EVI5: variants seen among roughly 807,000 people sequenced by gnomAD.
EVI5 encodes the protein ecotropic viral integration site 5, also known as ecotropic viral integration site 5 protein homolog.
EVI5 carries 73 observed loss-of-function variants against 112.0 expected under a neutral mutation model. That is an observed-to-expected ratio of 0.65 (90% confidence interval 0.54 to 0.79). The LOEUF is 0.79. Ranked by LOEUF, EVI5 falls within the 30% of genes least tolerant of loss-of-function variation. EVI5 has a pLI of 0.00. For synonymous variants in EVI5, 305 were observed against 319.9 expected (o/e 0.95, Z 0.50); for missense variants, 900 against 968.8 (o/e 0.93, Z 0.94).
At chr1:92,583,451 C>T (rs911561728) in intron 18 of EVI5, among the ~76,000 whole-genome samples, 3 of 128,046 alleles carry the variant, frequency 2.3e-5, no homozygotes, top group African/African-American at 9.0e-5. Flanking sequence ...GCGGAGGTTG[C>T]GGTAAGCCGA....
At chr1:92,600,998 G>A (rs556178694) in intron 18 of EVI5, among the ~76,000 whole-genome samples, 42 of 152,270 alleles carry the variant, frequency 2.8e-4, no homozygotes, top group African/African-American at 9.6e-4. Flanking sequence ...AAAAAAGAGA[G>A]TCAAAAGTAA....
At chr1:92,527,652 G>A (rs940896564) in intron 19 of EVI5, among the ~76,000 whole-genome samples, 1 of 152,006 alleles carries the variant, frequency 6.6e-6, no homozygotes, top group African/African-American at 2.4e-5. Flanking sequence ...CCCTACACTC[G>A]TCCAAAGGTA....
intron 1 of EVI5, among the ~76,000 whole-genome samples, chr1:92,768,093 AG>A (rs1438063761): frequency 2.0e-5 from 3 of 150,760 alleles, no homozygotes; most frequent in Non-Finnish European, 4.4e-5. Flanking sequence ...AAAAAAAAAA[AG>A]AGAACTCATA....
chr1:92,697,514 T>C (rs1670495152), intron 6 of EVI5, among the ~76,000 whole-genome samples: 1 of 152,204 alleles, frequency 6.6e-6, no homozygotes, highest in Non-Finnish European at 1.5e-5. Context: ...GTAAATGGAC[T>C]GATGTCAGTG....
chr1:92,772,676 G>C (rs1278370285), intron 1 of EVI5, among the ~76,000 whole-genome samples: 2 of 151,946 alleles, frequency 1.3e-5, no homozygotes, highest in Admixed American at 6.6e-5. Context: ...GGCGAGGCAG[G>C]TGGATCACCT....
At chr1:92,590,168 A>G (rs1673565420) in intron 18 of EVI5, among the ~76,000 whole-genome samples, 1 of 152,206 alleles carries the variant, frequency 6.6e-6, no homozygotes, top group Non-Finnish European at 1.5e-5. Context: ...ATGCGGAAAA[A>G]ACAGAGCAGA....
chr1:92,673,065 G>A (rs952572736), intron 10 of EVI5, among the ~76,000 whole-genome samples: 1 of 151,976 alleles, frequency 6.6e-6, no homozygotes, highest in Non-Finnish European at 1.5e-5. Flanking sequence ...AAGAATAAGG[G>A]GAAATAATGC....
At chr1:92,770,932 C>G (rs748627902) in intron 1 of EVI5, among the ~76,000 whole-genome samples, 1 of 151,676 alleles carries the variant, frequency 6.6e-6, no homozygotes, top group Non-Finnish European at 1.5e-5. Flanking sequence ...TCTCCTGCCT[C>G]AGCCTCCCAA....
intron 11 of EVI5, among the ~76,000 whole-genome samples, chr1:92,665,253 T>A (rs115819329): frequency 0.021 from 3,172 of 152,156 alleles, 127 homozygotes; most frequent in African/African-American, 0.072. Flanking sequence ...GTTTGTGAAT[T>A]CAGATGTCTT....
At chr1:92,593,386 C>A (rs879830088) in intron 18 of EVI5, among the ~76,000 whole-genome samples, 12 of 152,186 alleles carry the variant, frequency 7.9e-5, no homozygotes, top group African/African-American at 1.2e-4. Flanking sequence ...ATGCTAAAAA[C>A]TCTCAATAAA....
intron 16 of EVI5, among the ~76,000 whole-genome samples, chr1:92,621,853 T>A (rs768381475): frequency 2.0e-5 from 3 of 152,174 alleles, no homozygotes; most frequent in Non-Finnish European, 4.4e-5. Context: ...CAGGGCACGG[T>A]GGCTCACGCC....
intron 19 of EVI5, among the ~76,000 whole-genome samples, chr1:92,531,041 A>G (rs183570983): frequency 6.6e-6 from 1 of 152,180 alleles, no homozygotes; most frequent in Non-Finnish European, 1.5e-5. Flanking sequence ...GAACCTTGAA[A>G]AAAGGTCAGA....
At chr1:92,654,070 G>A (rs972248224) in intron 13 of EVI5, among the ~76,000 whole-genome samples, 14 of 151,904 alleles carry the variant, frequency 9.2e-5, no homozygotes, top group South Asian at 2.1e-4. Context: ...TCCAAGGGCC[G>A]GCTTGGCTGT....
At chr1:92,583,467 C>T (rs964812098) in intron 18 of EVI5, among the ~76,000 whole-genome samples, 3 of 142,578 alleles carry the variant, frequency 2.1e-5, no homozygotes, top group East Asian at 2.0e-4. Flanking sequence ...GCCGAGATCA[C>T]GCTACTGTGC....
chr1:92,584,472 G>T (rs554233988), intron 18 of EVI5, among the ~76,000 whole-genome samples: 2 of 152,146 alleles, frequency 1.3e-5, no homozygotes, highest in African/African-American at 4.8e-5. Context: ...TGTAACACTT[G>T]GTAAGTAATC....
chr1:92,720,076 AT>A (rs1674474895), intron 2 of EVI5, among the ~76,000 whole-genome samples: 2 of 152,098 alleles, frequency 1.3e-5, no homozygotes, highest in Non-Finnish European at 2.9e-5. Flanking sequence ...GGAAGAATCA[AT>A]ACTGTGAAAA....
chr1:92,745,727 G>A (rs1313103591), intron 1 of EVI5, among the ~76,000 whole-genome samples: 1 of 152,074 alleles, frequency 6.6e-6, no homozygotes, highest in African/African-American at 2.4e-5. Flanking sequence ...GATCACTTGA[G>A]CCCAGGAGCA....
At chr1:92,791,748 C>CA (rs534195216) in intron 1 of EVI5, among the ~76,000 whole-genome samples, 3,496 of 138,614 alleles carry the variant, frequency 0.025, 143 homozygotes, top group African/African-American at 0.082. Flanking sequence ...CCACCTCCAC[C>CA]AAAAAAAAAA....
intron 19 of EVI5, among the ~76,000 whole-genome samples, chr1:92,537,138 C>G (rs1664041098): frequency 6.6e-6 from 1 of 152,164 alleles, no homozygotes; most frequent in South Asian, 2.1e-4. Flanking sequence ...AAAAAGTCAT[C>G]CACACACCAA....
Sources: gnomAD v4.1 joint callset for allele counts (sites outside exome capture counted in the v4.1 genomes callset) on GRCh38, gnomAD v4.1.1 for gene constraint, MANE v1.5 for transcripts, NCBI Gene and HGNC (gene_info 2026-07-23, HGNC 2026-07-21) for gene names.